The following ZFHX3 variants were observed in gnomAD, a reference collection of about 807,000 sequenced individuals.
ZFHX3 encodes zinc finger homeobox protein 3.
A neutral mutation model predicts 279.1 loss-of-function variants in ZFHX3; 42 were observed. The ratio of observed to expected loss-of-function variants is 0.15; its 90% CI spans 0.12 to 0.19. The LOEUF is 0.19. Ranked by LOEUF, ZFHX3 falls within the 10% of genes least tolerant of loss-of-function variation. ZFHX3 has a pLI of 1.00. For synonymous variants in ZFHX3, 2,293 were observed against 1,957.8 expected (o/e 1.17, Z -4.52); for missense variants, 4,981 against 4,754.0 (o/e 1.05, Z -1.40).
At chr16:73,148,814 C>A (rs1966881640) in intron 5 of ZFHX3, among the ~76,000 whole-genome samples, 1 of 151,194 alleles carries the variant, frequency 6.6e-6, no homozygotes. Context: ...AGGTGTGGTG[C>A]CATGAGCCTG....
intron 2 of ZFHX3, among the ~76,000 whole-genome samples, chr16:73,621,976 G>C (rs1433188917): frequency 6.6e-6 from 1 of 152,172 alleles, no homozygotes; most frequent in African/African-American, 2.4e-5. Flanking sequence ...TGGAGAGATG[G>C]ACACAGCCCT....
At chr16:73,074,116 A>AC (rs896816443) in intron 8 of ZFHX3, among the ~76,000 whole-genome samples, 1 of 152,254 alleles carries the variant, frequency 6.6e-6, no homozygotes, top group African/African-American at 2.4e-5. Flanking sequence ...AGAATCATAC[A>AC]AAGCAACCAA....
chr16:73,473,482 A>G (rs1428234031), intron 2 of ZFHX3, among the ~76,000 whole-genome samples: 2 of 152,144 alleles, frequency 1.3e-5, no homozygotes, highest in Non-Finnish European at 2.9e-5. Flanking sequence ...AGCAGTTGGC[A>G]AAATCTGCCC....
intron 3 of ZFHX3, among the ~76,000 whole-genome samples, chr16:73,335,574 G>T (rs903949219): frequency 1.3e-5 from 2 of 152,092 alleles, no homozygotes; most frequent in Non-Finnish European, 2.9e-5. Flanking sequence ...TCTACTGTTC[G>T]TTGCCAATGA....
chr16:73,849,406 A>G (rs1335414570), intron 1 of ZFHX3, among the ~76,000 whole-genome samples: 1 of 152,168 alleles, frequency 6.6e-6, no homozygotes. Flanking sequence ...TCTAATAGCC[A>G]ATGTGTTAGT....
intron 3 of ZFHX3, among the ~76,000 whole-genome samples, chr16:73,423,767 C>T (rs1364706312): frequency 6.6e-6 from 1 of 151,346 alleles, no homozygotes; most frequent in African/African-American, 2.4e-5. Flanking sequence ...TGGGCTGAGG[C>T]AGGAGAATCG....
intron 3 of ZFHX3, among the ~76,000 whole-genome samples, chr16:73,374,142 C>T (rs576992494): frequency 2.0e-5 from 3 of 152,050 alleles, no homozygotes; most frequent in East Asian, 1.9e-4. Flanking sequence ...AGGGAGCCGG[C>T]GACAGGAAAA....
intron 1 of ZFHX3, among the ~76,000 whole-genome samples, chr16:73,831,000 C>A (rs1960981196): frequency 6.6e-6 from 1 of 152,186 alleles, no homozygotes; most frequent in South Asian, 2.1e-4. Flanking sequence ...AGCTCAAAGA[C>A]TGACATTATC....
intron 3 of ZFHX3, among the ~76,000 whole-genome samples, chr16:73,390,582 A>T (rs1180852798): frequency 2.6e-5 from 4 of 152,178 alleles, no homozygotes; most frequent in African/African-American, 9.7e-5. Flanking sequence ...TGTCAGACTC[A>T]TTACGGGAAA....
intron 1 of ZFHX3, among the ~76,000 whole-genome samples, chr16:72,986,256 C>T (rs1398155194): frequency 6.6e-6 from 1 of 152,164 alleles, no homozygotes; most frequent in Non-Finnish European, 1.5e-5. Context: ...CCGACAGCCA[C>T]TCAGGGCCTT....
intron 3 of ZFHX3, among the ~76,000 whole-genome samples, chr16:73,321,547 A>G (rs144083952): frequency 1.4e-4 from 21 of 152,328 alleles, no homozygotes; most frequent in African/African-American, 3.6e-4. Context: ...GCAACAGACA[A>G]AAACGTGACT....
intron 5 of ZFHX3, among the ~76,000 whole-genome samples, chr16:73,225,293 C>A (rs2012558394): frequency 6.6e-6 from 1 of 152,042 alleles, no homozygotes; most frequent in Admixed American, 6.6e-5. Context: ...TCTGAACAGC[C>A]CTATAGGCTA....
intron 3 of ZFHX3, among the ~76,000 whole-genome samples, chr16:72,908,569 G>A (rs1306967181): frequency 6.6e-6 from 1 of 152,130 alleles, no homozygotes; most frequent in East Asian, 1.9e-4. Context: ...TGAAATCATT[G>A]GGTTTTTCTG....
intron 1 of ZFHX3, among the ~76,000 whole-genome samples, chr16:73,728,015 G>GCCCCCA (rs2053534637): frequency 1.3e-5 from 1 of 75,426 alleles, no homozygotes; most frequent in Non-Finnish European, 2.6e-5. Context: ...GCCGAATTGT[G>GCCCCCA]CCCCCCCCCC....
At chr16:73,399,868 A>C (rs2017214024) in intron 3 of ZFHX3, among the ~76,000 whole-genome samples, 1 of 127,092 alleles carries the variant, frequency 7.9e-6, no homozygotes, top group African/African-American at 3.3e-5. Flanking sequence ...GTGTGTGTCT[A>C]GATAGCAGAG....
rs185526545 is a variant in ZFHX3, at chr16:73,043,585, A to G, written c.-50+4167T>C. Among the ~76,000 whole-genome samples the G allele has an allele frequency of 2.6e-5, 4 of 152,316 alleles. No homozygotes were observed. The East Asian group carries it at 7.7e-4, about 29-fold the overall frequency. On this transcript the variant is annotated intron_variant, in intron 1 of 9. Transcript: ENST00000268489. The stretch of plus-strand genomic sequence containing the variant: ...ACTTTCCTTGGGCAAATAACTCTCT[A>G]GAGACACCCCCATCACTGCCTAGAC...
Position 73,405,987 on chromosome 16 carries a change from T to C in ZFHX3, c.-1291+50016A>G, listed in dbSNP as rs562156358. ...ACAAACAATTCCTCCTAGGGATGTG[T>C]GGTTTCCAAGCAGCATCAGCGTAGA... On this transcript the variant is annotated intron_variant, in intron 3 of 17. Transcript: ENST00000641206. 1.1e-4 allele frequency among the ~76,000 whole-genome samples: 17 copies of C among 152,310 alleles called. No individual in the cohort carries two copies. In the South Asian group the frequency reaches 3.3e-3, roughly 30 times the overall value.
chr16:73,045,656 A>AT (rs1965267919), intron 1 of ZFHX3, among the ~76,000 whole-genome samples: 1 of 136,242 alleles, frequency 7.3e-6, no homozygotes, highest in Non-Finnish European at 1.6e-5. Flanking sequence ...TATTATTATT[A>AT]TTATTATTAT....
chr16:73,161,170 T>G (rs1204356142), intron 5 of ZFHX3, among the ~76,000 whole-genome samples: 1 of 151,774 alleles, frequency 6.6e-6, no homozygotes, highest in Non-Finnish European at 1.5e-5. Context: ...AGAGATGGGG[T>G]CTCCCTATAT....
Sources: allele counts gnomAD v4.1 joint callset (sites outside exome capture counted in the v4.1 genomes callset), GRCh38; gene constraint gnomAD v4.1.1; transcripts MANE v1.5; gene names NCBI Gene and HGNC (gene_info 2026-07-23, HGNC 2026-07-21).